Variants in CTSB observed in about 807,000 individuals in gnomAD.
CTSB encodes cathepsin B.
In CTSB, 57 loss-of-function variants were observed where a neutral mutation model predicts 44.3. The ratio of observed to expected loss-of-function variants is 1.29; its 90% CI spans 1.04 to 1.60. The LOEUF (loss-of-function observed/expected upper bound fraction) is 1.60, where lower values mean the gene tolerates loss of function less well. Among genes scored for constraint, CTSB ranks in the 40% most tolerant of loss-of-function variants. The probability of loss-of-function intolerance (pLI) is 0.00; values close to 1 mark genes in which losing one functional copy is unlikely to be tolerated. For synonymous variants in CTSB, 320 were observed against 168.0 expected (o/e 1.91, Z -7.00); for missense variants, 768 against 443.0 (o/e 1.73, Z -6.59).
chr8:11,859,214 C>T (rs1332310482), intron 1 of CTSB, among the ~76,000 whole-genome samples: 1 of 152,192 alleles, frequency 6.6e-6, no homozygotes, highest in East Asian at 1.9e-4. Context: ...CGCTCCACCC[C>T]GGCTCTGTAG....
rs780652096 is a variant in CTSB at position 11,847,758 on chromosome 8, C to T, written c.597G>A (p.Thr199=). 37 of 1,601,228 alleles carry T rather than the reference C, an allele frequency of 2.3e-5. No homozygotes were observed. The highest frequency in any genetic ancestry group is 5.6e-5 in the South Asian group (5 of 89,220). ...HHVNGSRPPC[T]GEGDTPKCSK... is the part of the protein sequence containing the mutation. ...TACACTTGGGGGTATCTCCCTCCCC[C>T]GTGCATGGGGGCCGGGAGCCGTTGA... Residue 199 remains threonine (T), a synonymous_variant, in exon 7 of 10, where the codon ACG becomes ACA. Coordinates refer to ENST00000353047, the MANE Select transcript of CTSB (RefSeq NM_001908.5).
chr8:11,851,688 T>C (rs960173208), intron 3 of CTSB, among the ~76,000 whole-genome samples: 18 of 152,080 alleles, frequency 1.2e-4, no homozygotes, highest in Admixed American at 1.0e-3. Flanking sequence ...GAAGGCAGTG[T>C]CGTGCAACTT....
chr8:11,852,645 A>G lies in CTSB; in HGVS notation c.177T>C (p.Cys59=), dbSNP rs1814799947. 1 of 1,613,892 alleles carries G rather than the reference A, an allele frequency of 6.2e-7. No homozygotes were observed. The change falls in exon 3 of 10, where the codon TGT becomes TGC. Residue 59 remains cysteine, a synonymous_variant. Coordinates refer to ENST00000353047, the MANE Select transcript of CTSB (RefSeq NM_001908.5). ...GCTTGGGCCCACCCAGGAAGGTACC[A>G]CATAGCCTCTTCAAGTAGCTCATGT... ...NVDMSYLKRL[C]GTFLGGPKPP... is the part of the protein sequence containing the mutation.
At chr8:11,853,218 C>A in intron 2 of CTSB, 111 bp downstream of exon 2, 2 of 1,473,962 alleles carry the variant, frequency 1.4e-6, no homozygotes, top group East Asian at 2.3e-5. Flanking sequence ...TTTCAACAGT[C>A]CAGGACAATG....
chr8:11,847,108 T>G lies in CTSB; in HGVS notation c.737A>C (p.Asn246Thr), dbSNP rs114308907. The change falls in exon 8 of 10, where the codon AAC becomes ACC. Residue 246 changes from asparagine (N) to threonine (T), a missense_variant. Asn to Thr is a moderately conservative substitution (Grantham distance 65, BLOSUM62 0). Transcript: ENST00000353047. ...EKDIMAEIYK[N>T]GPVEGAFSVY... is the part of the protein sequence containing the mutation. ...AGAGAAAGCTCCCTCCACGGGGCCG[T>G]TTTTGTAGATCTCGGCCATGATGTC... is the stretch of plus-strand genomic sequence containing the variant. 3,222 of 1,577,820 alleles carry G rather than the reference T, an allele frequency of 2.0e-3. 9 individuals are homozygous for G. Among genetic ancestry groups the G allele is most frequent in the African/African-American group, 8.3e-3 (613 of 73,606 alleles).
Position 11,849,179 on chromosome 8 carries a change from C to G in CTSB, c.328-15G>C, listed in dbSNP as rs2131021713. ...GCCCCGAAGGCCTGCAGGAACGAGC[C>G]CCACCGGGTGAGGCTGCCATGTCCG... On this transcript the variant is annotated splice_polypyrimidine_tract_variant and intron_variant, in intron 4 of 9. Transcript: ENST00000353047. 1 of 1,606,710 alleles carries G rather than the reference C, an allele frequency of 6.2e-7. No individual in the cohort carries two copies. Among genetic ancestry groups the G allele is most frequent in the East Asian group, 2.2e-5 (1 of 44,800 alleles).
Position 11,868,046 on chromosome 8 carries a change from A to T in CTSB, c.-71T>A, listed in dbSNP as rs1371666337. ...CTGCAGCCCAGCCTGCGCGCAGCGG[A>T]GCGGTTGGCGTTGCCGGAGCGGTTG... On this transcript the variant is annotated 5_prime_UTR_variant, in exon 1 of 10. Coordinates refer to ENST00000353047, the MANE Select transcript of CTSB (RefSeq NM_001908.5). 1.3e-5 allele frequency: 2 copies of T among 152,370 alleles called. No homozygotes were observed. The highest frequency in any genetic ancestry group is 4.8e-5 in the African/African-American group (2 of 41,248). The allele number at this position is 152,370 out of a possible 1,614,324, so 9.4% of individuals were successfully genotyped here. A position where few individuals can be genotyped will look rare whatever the true frequency, so the allele number is the denominator to read the frequency against.
chr8:11,852,690 C>T lies in CTSB; in HGVS notation c.132G>A (p.Gly44=). ...TCATGTCCACGTTGTAGAAGTTGTG[C>T]CCGGCCTGGAAGAGAGTCACCCACT... ...VNKRNTTWQA[G]HNFYNVDMSY... The change falls in exon 3 of 10, where the codon GGG becomes GGA. Residue 44 remains glycine (G), a synonymous_variant. Transcript: ENST00000353047. 1.2e-6 allele frequency: 2 copies of T among 1,613,878 alleles called. No individual in the cohort carries two copies. The highest frequency in any genetic ancestry group is 1.1e-5 in the South Asian group (1 of 91,076).
At chr8:11,855,613 C>T (rs146088053) in intron 1 of CTSB, among the ~76,000 whole-genome samples, 85 of 152,282 alleles carry the variant, frequency 5.6e-4, no homozygotes, top group African/African-American at 1.5e-3. Context: ...CAAAAACTGA[C>T]GAAACAAAGC....
At chr8:11,853,716 G>C (rs1238937605) in intron 1 of CTSB, 1 of 465,394 alleles carries the variant, frequency 2.1e-6, no homozygotes, top group East Asian at 3.6e-5. Context: ...GAGCCAAGGG[G>C]CTGTGCTGGA....
rs534675947 is a variant in CTSB at position 11,843,145 on chromosome 8, C to T, written c.*1980G>A. The T allele has an allele frequency of 3.9e-5, 6 of 152,222 alleles. No homozygotes were observed. The highest frequency in any genetic ancestry group is 1.4e-4 in the African/African-American group (6 of 41,468). The allele number at this position is 152,222 out of a possible 1,614,324, so 9.4% of individuals were successfully genotyped here. A position where few individuals can be genotyped will look rare whatever the true frequency, so the allele number is the denominator to read the frequency against. Reference sequence around the variant, plus strand: ...TGTATTTTTAGTAGAGGTGAGGTTTCAGCATGTTGGCCAGGCTGGTCTTGA... The same window carrying T: ...TGTATTTTTAGTAGAGGTGAGGTTTTAGCATGTTGGCCAGGCTGGTCTTGA... On this transcript the variant is annotated 3_prime_UTR_variant, in exon 10 of 10. Transcript: ENST00000353047.
intron 1 of CTSB, chr8:11,861,554 G>T (rs554305668): frequency 7.9e-5 from 12 of 152,388 alleles, no homozygotes; most frequent in African/African-American, 2.9e-4. Flanking sequence ...CTGTACACTT[G>T]AAACAGCAGA....
At chr8:11,862,087 G>T (rs976305201) in intron 1 of CTSB, among the ~76,000 whole-genome samples, 1 of 151,984 alleles carries the variant, frequency 6.6e-6, no homozygotes, top group African/African-American at 2.4e-5. Flanking sequence ...GGCGCCTGTA[G>T]TCCCAGCTAC....
intron 6 of CTSB, 61 bp downstream of exon 6, chr8:11,848,006 A>T: frequency 7.0e-7 from 1 of 1,433,016 alleles, no homozygotes; most frequent in Non-Finnish European, 9.7e-7. Flanking sequence ...AAATAAAGCC[A>T]TGATGGTTAA....
intron 8 of CTSB, chr8:11,846,285 A>C (rs1453431594): frequency 2.6e-5 from 4 of 152,380 alleles, no homozygotes; most frequent in African/African-American, 9.7e-5. Flanking sequence ...CTGCCCAACC[A>C]GGCTCTCGGG....
rs553564244 is a variant in CTSB at position 11,862,169 on chromosome 8, T to C, written c.-26+5832A>G. 1.6e-4 allele frequency among the ~76,000 whole-genome samples: 24 copies of C among 145,992 alleles called. No homozygotes were observed. In the South Asian group the frequency reaches 5.2e-3, roughly 32 times the overall value. On this transcript the variant is annotated intron_variant, in intron 1 of 9. Coordinates refer to ENST00000353047, the MANE Select transcript of CTSB (RefSeq NM_001908.5). ...TTGCAGTGAGCCGAGATCACGCCAC[T>C]GCACTCCAGCCTGGGCGACAGAGTC...
intron 1 of CTSB, among the ~76,000 whole-genome samples, chr8:11,864,690 C>T (rs1816872601): frequency 6.6e-6 from 1 of 152,094 alleles, no homozygotes; most frequent in Admixed American, 6.6e-5. Flanking sequence ...GGCACAGTGA[C>T]TCACACCTGT....
chr8:11,848,379 G>C, intron 5 of CTSB: 1 of 658,692 alleles, frequency 1.5e-6, no homozygotes, highest in African/African-American at 1.8e-5. Flanking sequence ...AGATCCGGGA[G>C]AAGACAGGAG....
rs746842383 is a variant in CTSB at position 11,847,147 on chromosome 8, G to C, written c.698C>G (p.Ser233Cys). 6 of 1,612,540 alleles carry C rather than the reference G, an allele frequency of 3.7e-6. No homozygotes were observed. The highest frequency in any genetic ancestry group is 5.1e-6 in the Non-Finnish European group (6 of 1,178,770). The part of the protein sequence containing the change: ...KHYGYNSYSV[S>C]NSEKDIMAEI... ...GGCCATGATGTCCTTCTCGCTATTGGAGACGCTGTAGGAATTGTATCCTGG... is the reference window on the plus strand; with the variant it reads ...GGCCATGATGTCCTTCTCGCTATTGCAGACGCTGTAGGAATTGTATCCTGG... The change falls in exon 8 of 10, where the codon TCC becomes TGC. Residue 233 changes from serine to cysteine, a missense_variant. By Grantham distance (112) the Ser-to-Cys change is moderately radical (BLOSUM62 -1). Coordinates refer to ENST00000353047, the MANE Select transcript of CTSB (RefSeq NM_001908.5).
Sources: gnomAD v4.1 joint callset for allele counts (sites outside exome capture counted in the v4.1 genomes callset) on GRCh38, gnomAD v4.1.1 for gene constraint, MANE v1.5 for transcripts, NCBI Gene and HGNC (gene_info 2026-07-23, HGNC 2026-07-21) for gene names.